AK5: variants seen among roughly 807,000 people sequenced by gnomAD.
The protein encoded by AK5 is adenylate kinase 5.
Under a neutral mutation model 69.5 loss-of-function variants are expected in AK5, and 27 were observed. The observed-to-expected ratio is 0.39, with a 90% confidence interval of 0.29 to 0.54. AK5 has a LOEUF of 0.54. AK5 is among the 20% of genes least tolerant of loss of function. AK5 has a pLI of 0.71. For missense variants in AK5, 531 were observed against 700.4 expected (o/e 0.76, Z 2.73); for synonymous variants, 260 against 244.4 (o/e 1.06, Z -0.60).
Position 77,411,072 on chromosome 1 carries a change from G to T in AK5, c.982+1G>T. 1 of 1,612,492 alleles carries T rather than the reference G, an allele frequency of 6.2e-7. No individual in the cohort carries two copies. On this transcript the variant is annotated splice_donor_variant, in intron 7 of 13. Coordinates refer to ENST00000354567, the MANE Select transcript of AK5 (RefSeq NM_174858.3). LOFTEE classifies it high-confidence loss of function. ...TTTCCAAACAAAGAGGCTGCAGCAG[G>T]TAAGTCACTGTGTCCTTTAGACAAC...
intron 10 of AK5, among the ~76,000 whole-genome samples, chr1:77,497,788 C>T (rs1389358509): frequency 1.3e-5 from 2 of 152,070 alleles, no homozygotes; most frequent in Admixed American, 6.6e-5. Context: ...CACCATGTTG[C>T]CCAGGCTGGT....
intron 6 of AK5, among the ~76,000 whole-genome samples, chr1:77,400,086 C>T (rs11162334): frequency 0.16 from 24,349 of 152,204 alleles, 2,204 homozygotes; most frequent in Middle Eastern, 0.27. Context: ...CTACTAAGGT[C>T]CCCAAATGGG....
chr1:77,401,093 T>A (rs1649185425), intron 6 of AK5, among the ~76,000 whole-genome samples: 1 of 152,192 alleles, frequency 6.6e-6, no homozygotes, highest in Admixed American at 6.5e-5. Context: ...CTCTTTCAAA[T>A]TTTGTAGTTA....
chr1:77,366,128 G>T (rs1190907538), intron 6 of AK5, among the ~76,000 whole-genome samples: 1 of 152,042 alleles, frequency 6.6e-6, no homozygotes, highest in Non-Finnish European at 1.5e-5. Context: ...TTGATAAAGG[G>T]TATCAGAGAC....
chr1:77,459,102 C>A (rs1325252278), intron 8 of AK5, among the ~76,000 whole-genome samples: 1 of 152,104 alleles, frequency 6.6e-6, no homozygotes, highest in Non-Finnish European at 1.5e-5. Flanking sequence ...GGACCTGGGG[C>A]CTTTGTCTTC....
chr1:77,470,938 T>C (rs140680823), intron 8 of AK5, among the ~76,000 whole-genome samples: 1 of 139,220 alleles, frequency 7.2e-6, no homozygotes, highest in African/African-American at 2.7e-5. Context: ...TGGAGTGCAG[T>C]GGCATGATCT....
intron 8 of AK5, among the ~76,000 whole-genome samples, chr1:77,444,324 A>AG (rs1557598319): frequency 6.0e-4 from 32 of 53,680 alleles, no homozygotes; most frequent in Non-Finnish European, 9.6e-4. Flanking sequence ...ATATATGTGT[A>AG]TATATATAGT....
At chr1:77,480,326 C>T (rs1655183653) in intron 8 of AK5, among the ~76,000 whole-genome samples, 1 of 152,150 alleles carries the variant, frequency 6.6e-6, no homozygotes, top group South Asian at 2.1e-4. Flanking sequence ...GTCCCAGCAG[C>T]CTGTTCACTA....
intron 6 of AK5, among the ~76,000 whole-genome samples, chr1:77,374,521 T>C (rs1647188297): frequency 6.6e-6 from 1 of 151,852 alleles, no homozygotes; most frequent in African/African-American, 2.4e-5. Context: ...TCTTCTTCTA[T>C]AAGTACGACT....
At chr1:77,466,410 T>C (rs6704141) in intron 8 of AK5, among the ~76,000 whole-genome samples, 103,399 of 152,082 alleles carry the variant, frequency 0.68, 35,595 homozygotes, top group Middle Eastern at 0.74. Flanking sequence ...TAGCTAGACA[T>C]TAGACTTCAT....
intron 3 of AK5, among the ~76,000 whole-genome samples, chr1:77,295,363 T>C (rs1384686725): frequency 6.6e-6 from 1 of 152,246 alleles, no homozygotes; most frequent in Non-Finnish European, 1.5e-5. Context: ...CATTTGTACA[T>C]TTTAAAGTGA....
At chr1:77,533,344 C>T (rs925717219) in intron 12 of AK5, among the ~76,000 whole-genome samples, 6 of 151,794 alleles carry the variant, frequency 4.0e-5, no homozygotes, top group Non-Finnish European at 5.9e-5. Flanking sequence ...GGTGAAACCC[C>T]GTCTCTACTA....
chr1:77,360,229 G>A (rs1290219974), intron 6 of AK5, among the ~76,000 whole-genome samples: 1 of 152,180 alleles, frequency 6.6e-6, no homozygotes, highest in Admixed American at 6.5e-5. Flanking sequence ...ACTGATAGAG[G>A]AAGAAGAGTC....
intron 5 of AK5, among the ~76,000 whole-genome samples, chr1:77,321,137 G>A (rs1660505264): frequency 6.6e-6 from 1 of 152,154 alleles, no homozygotes; most frequent in Non-Finnish European, 1.5e-5. Flanking sequence ...TTTTGAGTGT[G>A]TATGGTACAT....
intron 8 of AK5, 49 bp downstream of exon 8, chr1:77,417,764 A>G: frequency 8.6e-7 from 1 of 1,162,158 alleles, no homozygotes; most frequent in East Asian, 2.4e-5. Context: ...TTTAAGTTGA[A>G]CCTTTGTAAA....
chr1:77,306,253 C>A (rs1316380159), intron 5 of AK5, among the ~76,000 whole-genome samples: 3 of 152,034 alleles, frequency 2.0e-5, no homozygotes, highest in Non-Finnish European at 2.9e-5. Context: ...AGGTATCCTC[C>A]TTCTGTCTCC....
intron 5 of AK5, among the ~76,000 whole-genome samples, chr1:77,335,858 G>A (rs1869466): frequency 0.32 from 48,034 of 151,876 alleles, 7,751 homozygotes; most frequent in Admixed American, 0.36. Context: ...TGGAGGCTAA[G>A]AAGTGCAAGA....
chr1:77,499,757 A>AC (rs950385649), intron 10 of AK5, among the ~76,000 whole-genome samples: 9 of 150,252 alleles, frequency 6.0e-5, no homozygotes, highest in African/African-American at 2.2e-4. Flanking sequence ...TCCTAGAGAG[A>AC]CCCCTTGGGA....
chr1:77,338,117 AT>A (rs1397090832), intron 5 of AK5, among the ~76,000 whole-genome samples: 1 of 151,738 alleles, frequency 6.6e-6, no homozygotes, highest in Non-Finnish European at 1.5e-5. Flanking sequence ...GGCACACGCC[AT>A]CGCACCCGGC....
Sources: allele counts gnomAD v4.1 joint callset (sites outside exome capture counted in the v4.1 genomes callset), GRCh38; gene constraint gnomAD v4.1.1; transcripts MANE v1.5; gene names NCBI Gene and HGNC (gene_info 2026-07-23, HGNC 2026-07-21).